PDE1C: variants seen among roughly 807,000 people sequenced by gnomAD.
PDE1C encodes dual specificity calcium/calmodulin-dependent 3',5'-cyclic nucleotide phosphodiesterase 1C.
A neutral mutation model predicts 93.1 loss-of-function variants in PDE1C; 62 were observed. That is an observed-to-expected ratio of 0.67 (90% CI 0.54 to 0.82). PDE1C has a LOEUF of 0.82. Ranked by LOEUF, PDE1C falls within the 40% of genes least tolerant of loss-of-function variation. The probability of loss-of-function intolerance (pLI) is 0.00; values close to 1 mark genes in which losing one functional copy is unlikely to be tolerated. For missense variants in PDE1C, 742 were observed against 884.6 expected, an observed-to-expected ratio of 0.84 and a Z score of 2.04; for synonymous variants, 325 against 310.1, an observed-to-expected ratio of 1.05 and a Z score of -0.50.
chr7:32,259,330 C>T (rs1198366822), intron 1 of PDE1C, among the ~76,000 whole-genome samples: 1 of 152,158 alleles, frequency 6.6e-6, no homozygotes, highest in East Asian at 1.9e-4. Flanking sequence ...CTTCCATCAT[C>T]AGCTCTTCTT....
At chr7:31,661,980 T>C in the PDE1C span, among the ~76,000 whole-genome samples, 1 of 152,310 alleles carries the variant, frequency 6.6e-6, no homozygotes, top group African/African-American at 2.4e-5. Flanking sequence ...ACCTCTGCTC[T>C]CCATTTCAAA....
the PDE1C span, among the ~76,000 whole-genome samples, chr7:31,702,935 C>A: frequency 6.6e-6 from 1 of 152,150 alleles, no homozygotes; most frequent in Non-Finnish European, 1.5e-5. Flanking sequence ...TATTTATGGG[C>A]AGGGAGTCAT....
intron 13 of PDE1C, 120 bp from the exon 14 acceptor site, chr7:31,823,368 A>C (rs926129156): frequency 3.3e-5 from 23 of 697,356 alleles, no homozygotes; most frequent in Middle Eastern, 2.7e-4. Flanking sequence ...AAATATCTGG[A>C]TCCTGAGGTT....
intron 17 of PDE1C, among the ~76,000 whole-genome samples, chr7:31,758,681 T>C (rs1015054930): frequency 8.5e-5 from 13 of 152,216 alleles, no homozygotes; most frequent in African/African-American, 2.9e-4. Flanking sequence ...TATTCTTCTA[T>C]ATTATTATAG....
the PDE1C span, among the ~76,000 whole-genome samples, chr7:31,675,074 C>A: frequency 6.6e-6 from 1 of 152,204 alleles, no homozygotes; most frequent in South Asian, 2.1e-4. Flanking sequence ...CCACTGGTTG[C>A]CCACCTGCCT....
intron 1 of PDE1C, among the ~76,000 whole-genome samples, chr7:32,292,825 C>G (rs1022371391): frequency 6.6e-6 from 1 of 152,244 alleles, no homozygotes; most frequent in African/African-American, 2.4e-5. Context: ...CCCAACTTCC[C>G]CATGGCCCCA....
chr7:31,794,077 CAGACAGACAGACAGATAGAT>C (rs1449430901), intron 16 of PDE1C, among the ~76,000 whole-genome samples: 25 of 135,100 alleles, frequency 1.9e-4, no homozygotes, highest in African/African-American at 7.1e-4. Context: ...GACAGACAGA[CAGACAGACAGACAGATAGAT>C]AGACAGATAG....
chr7:32,160,230 C>A (rs1801827723), intron 3 of PDE1C, among the ~76,000 whole-genome samples: 1 of 152,036 alleles, frequency 6.6e-6, no homozygotes, highest in Non-Finnish European at 1.5e-5. Flanking sequence ...CCAAAAGAAA[C>A]TAAATCATCA....
chr7:32,324,900 G>A (rs1783375317), intron 1 of PDE1C, among the ~76,000 whole-genome samples: 1 of 152,150 alleles, frequency 6.6e-6, no homozygotes, highest in Non-Finnish European at 1.5e-5. Context: ...AGTGAGCTGT[G>A]ATCCTACCAC....
chr7:32,198,665 T>G (rs942750692), intron 2 of PDE1C, among the ~76,000 whole-genome samples: 1 of 152,194 alleles, frequency 6.6e-6, no homozygotes, highest in Non-Finnish European at 1.5e-5. Context: ...GGATGAAGAC[T>G]ACACAAAAGC....
At chr7:31,762,309 T>C (rs576565314) in intron 17 of PDE1C, among the ~76,000 whole-genome samples, 3 of 152,304 alleles carry the variant, frequency 2.0e-5, no homozygotes, top group South Asian at 4.1e-4. Flanking sequence ...GTATATTTCA[T>C]ATTAAAAACT....
intron 1 of PDE1C, among the ~76,000 whole-genome samples, chr7:32,294,404 C>T (rs1299925775): frequency 6.6e-6 from 1 of 152,222 alleles, no homozygotes; most frequent in South Asian, 2.1e-4. Flanking sequence ...GCTAACTTCA[C>T]ATCCCTCTGA....
intron 3 of PDE1C, among the ~76,000 whole-genome samples, chr7:32,117,641 C>T (rs2128761260): frequency 6.6e-6 from 1 of 152,290 alleles, no homozygotes; most frequent in African/African-American, 2.4e-5. Flanking sequence ...ACATTAATGT[C>T]CCCTCTTTCA....
intron 1 of PDE1C, among the ~76,000 whole-genome samples, chr7:32,253,655 T>C (rs1404932170): frequency 6.6e-6 from 1 of 152,180 alleles, no homozygotes; most frequent in African/African-American, 2.4e-5. Flanking sequence ...CTAATTCAAA[T>C]GAATATTTCT....
In PDE1C at chr7:32,246,196, T is replaced by C. The variant is rs188084468; in HGVS notation, c.86-36657A>G. On this transcript the variant is annotated intron_variant, in intron 1 of 18. Coordinates refer to the PDE1C transcript ENST00000396193. ...GTTTCCCAGGCTGGTCTCAAATTCC[T>C]GGGCTCGAGCAATCCTCTTGCCTTG... 4.3e-4 allele frequency among the ~76,000 whole-genome samples: 65 copies of C among 152,256 alleles called. 1 individual carries two copies. The highest frequency in any genetic ancestry group is 1.5e-3 in the African/African-American group (64 of 41,548).
chr7:31,793,675 C>CT lies in PDE1C; in HGVS notation c.1891+15355_1891+15356insA, dbSNP rs1784837205. Among the ~76,000 whole-genome samples the CT allele has an allele frequency of 4.1e-5, 4 of 98,336 alleles. No homozygotes were observed. In the Admixed American group the frequency reaches 4.7e-4, roughly 12 times the overall value. 64.5% of individuals were successfully genotyped at this position (98,336 alleles called of 152,430 possible). Reference sequence around the variant, plus strand: ...TCTATTGGGCATATGAATGGGTCCTCGTTTTTTTTTTTTTTAAATAAGAAG... The same window carrying CT: ...TCTATTGGGCATATGAATGGGTCCTCTGTTTTTTTTTTTTTTAAATAAGAAG... On this transcript the variant is annotated intron_variant, in intron 16 of 17. Transcript: ENST00000396191.
intron 2 of PDE1C, among the ~76,000 whole-genome samples, chr7:32,026,513 C>A (rs999250892): frequency 6.6e-6 from 1 of 152,138 alleles, no homozygotes; most frequent in African/African-American, 2.4e-5. Flanking sequence ...AAATACAAAA[C>A]CCTGGCAACA....
In PDE1C at chr7:31,849,102, C is replaced by T. The variant is rs1035770067; in HGVS notation, c.852-1006G>A. 6.6e-5 allele frequency among the ~76,000 whole-genome samples: 10 copies of T among 152,268 alleles called. No homozygotes were observed. The East Asian group carries it at 1.5e-3, about 24-fold the overall frequency. On this transcript the variant is annotated intron_variant, in intron 8 of 17. Coordinates refer to ENST00000396191, the MANE Select transcript of PDE1C (RefSeq NM_001191057.4). The stretch of plus-strand genomic sequence containing the variant: ...AATTTTCCCACTCCTATGGAGATAA[C>T]GCAGAACATTCAAATCCCGAGGTGA...
At chr7:32,066,267 C>T (rs1795392337) in intron 1 of PDE1C, among the ~76,000 whole-genome samples, 1 of 152,126 alleles carries the variant, frequency 6.6e-6, no homozygotes, top group Non-Finnish European at 1.5e-5. Flanking sequence ...AGTCTGTTAG[C>T]ATAGTAAGGT....
Sources: allele counts gnomAD v4.1 joint callset (sites outside exome capture counted in the v4.1 genomes callset), GRCh38; gene constraint gnomAD v4.1.1; transcripts MANE v1.5; gene names NCBI Gene and HGNC (gene_info 2026-07-23, HGNC 2026-07-21).